The following ADCY2 variants were observed in gnomAD, a reference collection of about 807,000 sequenced individuals.
The protein encoded by ADCY2 is adenylate cyclase type 2.
A neutral mutation model predicts 125.2 loss-of-function variants in ADCY2; 31 were observed. The observed-to-expected ratio is 0.25, with a 90% CI of 0.19 to 0.33. The LOEUF (loss-of-function observed/expected upper bound fraction) is 0.33, where lower values mean the gene tolerates loss of function less well. Ranked by LOEUF, ADCY2 falls within the 10% of genes least tolerant of loss-of-function variation. The pLI, the probability that ADCY2 is intolerant of heterozygous loss-of-function variation, is 1.00. For missense variants in ADCY2, 904 were observed against 1,418.2 expected (o/e 0.64, Z 5.82); for synonymous variants, 512 against 548.4 (o/e 0.93, Z 0.93).
intron 1 of ADCY2, among the ~76,000 whole-genome samples, chr5:7,411,095 C>T (rs1385654834): frequency 6.6e-6 from 1 of 152,232 alleles, no homozygotes; most frequent in East Asian, 1.9e-4. Flanking sequence ...CTGTTCTTCC[C>T]ATGACACCCT....
At chr5:7,464,994 C>T (rs1393857010) in intron 2 of ADCY2, among the ~76,000 whole-genome samples, 2 of 152,172 alleles carry the variant, frequency 1.3e-5, no homozygotes, top group African/African-American at 4.8e-5. Context: ...TACATGGCAG[C>T]AGGCAAGAGA....
chr5:7,480,235 C>CTCAG (rs1742678687), intron 2 of ADCY2, among the ~76,000 whole-genome samples: 1 of 152,020 alleles, frequency 6.6e-6, no homozygotes, highest in Non-Finnish European at 1.5e-5. Flanking sequence ...GACAGAAATA[C>CTCAG]CAATCTCATT....
chr5:7,708,038 T>C (rs1010829120), intron 9 of ADCY2, 200 bp downstream of exon 9: 3 of 567,928 alleles, frequency 5.3e-6, no homozygotes, highest in African/African-American at 3.8e-5. Context: ...GCAGTTGAAA[T>C]GCACTGCTTT....
intron 2 of ADCY2, among the ~76,000 whole-genome samples, chr5:7,454,677 TCA>T (rs1741604173): frequency 6.6e-6 from 1 of 152,198 alleles, no homozygotes. Context: ...GAAACAAAAC[TCA>T]CAGAGAATTC....
At chr5:7,401,321 G>A (rs1245082252) in intron 1 of ADCY2, among the ~76,000 whole-genome samples, 2 of 152,196 alleles carry the variant, frequency 1.3e-5, no homozygotes, top group Non-Finnish European at 1.5e-5. Flanking sequence ...CTGAGACCCG[G>A]AGAAGTGAAC....
At chr5:7,513,880 G>T (rs1003481790) in intron 2 of ADCY2, among the ~76,000 whole-genome samples, 2 of 152,026 alleles carry the variant, frequency 1.3e-5, no homozygotes, top group African/African-American at 4.8e-5. Flanking sequence ...CTCTGCCTTT[G>T]GTTATAAAAT....
At chr5:7,557,466 A>T (rs1735562026) in intron 3 of ADCY2, among the ~76,000 whole-genome samples, 1 of 152,040 alleles carries the variant, frequency 6.6e-6, no homozygotes, top group Admixed American at 6.6e-5. Context: ...AGATTATTTC[A>T]TCACCCAGGT....
chr5:7,788,811 A>G (rs1361970258), intron 19 of ADCY2, among the ~76,000 whole-genome samples: 5 of 152,222 alleles, frequency 3.3e-5, no homozygotes, highest in Non-Finnish European at 7.3e-5. Context: ...TTTGTCAATA[A>G]GTGACTATCT....
intron 2 of ADCY2, among the ~76,000 whole-genome samples, chr5:7,504,617 C>CTTTTTTTTTTTTTTT (rs563915228): frequency 7.2e-6 from 1 of 138,044 alleles, no homozygotes; most frequent in African/African-American, 2.7e-5. Context: ...TTTTTTCTTT[C>CTTTTTTTTTTTTTTT]TTTTTTTTTT....
intron 2 of ADCY2, among the ~76,000 whole-genome samples, chr5:7,473,218 A>G (rs945460341): frequency 2.0e-5 from 3 of 152,192 alleles, no homozygotes; most frequent in Admixed American, 6.5e-5. Context: ...TGTAAAAAAC[A>G]TAAGTTTATT....
chr5:7,655,797 G>T (rs1005224693), intron 4 of ADCY2, among the ~76,000 whole-genome samples: 4 of 152,194 alleles, frequency 2.6e-5, no homozygotes, highest in African/African-American at 9.7e-5. Context: ...TAAATGTACA[G>T]TTAGATGGTG....
Position 7,802,077 on chromosome 5 carries a change from C to G in ADCY2, c.2629-141C>G, listed in dbSNP as rs948015603. On this transcript the variant is annotated intron_variant, in intron 20 of 24. Transcript: ENST00000338316. The surrounding 1 kb of genome is among the most constrained non-coding windows in gnomAD (Gnocchi z 4.6). ...AGCAGCGGCAGCATCTGGATTGGGC[C>G]GCGGCTGGGGTGGGGCAAGTGGAGT... is the stretch of plus-strand genomic sequence containing the variant. 2 of 884,242 alleles carry G rather than the reference C, an allele frequency of 2.3e-6. No individual in the cohort carries two copies. The highest frequency in any genetic ancestry group is 5.1e-5 in the East Asian group (2 of 38,964). 54.8% of individuals were successfully genotyped at this position (884,242 alleles called of 1,614,324 possible). A position where few individuals can be genotyped will look rare whatever the true frequency, so the allele number is the denominator to read the frequency against.
intron 14 of ADCY2, among the ~76,000 whole-genome samples, chr5:7,735,781 C>CT (rs984754822): frequency 1.8e-4 from 27 of 152,162 alleles, no homozygotes; most frequent in African/African-American, 5.8e-4. Flanking sequence ...CTGATTTCTA[C>CT]TTTTTTTTGT....
intron 4 of ADCY2, among the ~76,000 whole-genome samples, chr5:7,660,977 T>A (rs545821222): frequency 1.6e-4 from 24 of 152,282 alleles, no homozygotes; most frequent in Non-Finnish European, 2.6e-4. Flanking sequence ...CACCAAGCAA[T>A]GTAGAAACTC....
At chr5:7,545,063 C>T (rs151216677) in intron 3 of ADCY2, among the ~76,000 whole-genome samples, 205 of 152,270 alleles carry the variant, frequency 1.3e-3, no homozygotes, top group African/African-American at 4.4e-3. Flanking sequence ...AGATGGGAGC[C>T]GTAGTCTGTG....
intron 2 of ADCY2, among the ~76,000 whole-genome samples, chr5:7,443,822 C>T (rs572237058): frequency 2.0e-5 from 3 of 151,874 alleles, no homozygotes; most frequent in South Asian, 2.1e-4. Flanking sequence ...TACATAGGGT[C>T]GGAATATTGT....
At chr5:7,724,701 T>C (rs73041799) in intron 13 of ADCY2, 87 bp downstream of exon 13, 32,071 of 1,011,458 alleles carry the variant, frequency 0.032, 2,063 homozygotes, top group African/African-American at 0.24. Context: ...TTTTTATATG[T>C]GACATTTAAA....
intron 23 of ADCY2, 44 bp from the exon 24 acceptor site, chr5:7,820,521 G>A (rs774405673): frequency 6.2e-7 from 1 of 1,608,796 alleles, no homozygotes; most frequent in South Asian, 1.1e-5. Flanking sequence ...AAAAGACAAT[G>A]GTTATAAGAT....
chr5:7,585,617 A>G (rs540643919), intron 3 of ADCY2, among the ~76,000 whole-genome samples: 17 of 152,350 alleles, frequency 1.1e-4, no homozygotes, highest in African/African-American at 3.8e-4. Context: ...AAATGCAAAT[A>G]AAGACAATAA....
Sources: gnomAD v4.1 joint callset for allele counts (sites outside exome capture counted in the v4.1 genomes callset) on GRCh38, gnomAD v4.1.1 for gene constraint, Gnocchi (gnomAD v3.1) non-coding constraint, MANE v1.5 for transcripts, NCBI Gene and HGNC (gene_info 2026-07-23, HGNC 2026-07-21) for gene names.